AUTS2: variants seen among roughly 807,000 people sequenced by gnomAD.
AUTS2 encodes activator of transcription and developmental regulator AUTS2.
In AUTS2, 17 loss-of-function variants were observed where a neutral mutation model predicts 112.4. That is an observed-to-expected ratio of 0.15 (90% CI 0.10 to 0.23). The LOEUF is 0.23. Among genes scored for constraint, AUTS2 ranks in the 10% least tolerant of loss-of-function variants. The pLI is 1.00. For missense variants in AUTS2, 1,510 were observed against 1,701.6 expected (o/e 0.89, Z 1.98); for synonymous variants, 751 against 702.7 (o/e 1.07, Z -1.09).
intron 5 of AUTS2, among the ~76,000 whole-genome samples, chr7:70,510,903 C>T (rs983924763): frequency 3.3e-5 from 5 of 151,988 alleles, no homozygotes; most frequent in African/African-American, 7.2e-5. Flanking sequence ...GGCTGGAGTG[C>T]GATGGCGCGA....
intron 4 of AUTS2, among the ~76,000 whole-genome samples, chr7:70,300,684 A>T (rs920652460): frequency 2.0e-5 from 3 of 152,176 alleles, no homozygotes; most frequent in East Asian, 1.9e-4. Flanking sequence ...AGGAAGAACG[A>T]TGTTTTGGGA....
intron 1 of AUTS2, chr7:69,825,943 G>A (rs1040757016): frequency 2.6e-5 from 4 of 152,204 alleles, no homozygotes; most frequent in African/African-American, 9.7e-5. Context: ...GAGTGTTGTG[G>A]TTCTGCACTC....
chr7:70,340,569 G>A (rs1791219011), intron 4 of AUTS2, among the ~76,000 whole-genome samples: 2 of 152,084 alleles, frequency 1.3e-5, no homozygotes, highest in African/African-American at 4.8e-5. Context: ...GCTAGCATCT[G>A]TGCTTTCCAG....
chr7:70,345,928 T>G (rs1791475247), intron 4 of AUTS2, among the ~76,000 whole-genome samples: 1 of 152,162 alleles, frequency 6.6e-6, no homozygotes, highest in African/African-American at 2.4e-5. Context: ...GAGGTCCCAG[T>G]GTCCTGAATC....
chr7:69,805,527 A>T (rs572188922), intron 1 of AUTS2, among the ~76,000 whole-genome samples: 11 of 152,344 alleles, frequency 7.2e-5, no homozygotes, highest in Middle Eastern at 3.4e-3. Flanking sequence ...ATGTGACTAT[A>T]AAAAAGAACC....
chr7:70,706,754 A>G (rs1260745612), intron 6 of AUTS2, among the ~76,000 whole-genome samples: 1 of 152,196 alleles, frequency 6.6e-6, no homozygotes, highest in Non-Finnish European at 1.5e-5. Flanking sequence ...ACTTATGGAA[A>G]AGTTGCCCCA....
chr7:70,448,113 C>T (rs1796389374), intron 5 of AUTS2, among the ~76,000 whole-genome samples: 1 of 152,134 alleles, frequency 6.6e-6, no homozygotes, highest in African/African-American at 2.4e-5. Context: ...GAATGCTGGA[C>T]ACTTGAATGT....
intron 6 of AUTS2, among the ~76,000 whole-genome samples, chr7:70,703,364 C>T (rs770358169): frequency 3.3e-5 from 5 of 151,624 alleles, no homozygotes; most frequent in Non-Finnish European, 7.4e-5. Context: ...GGGTTGGTAG[C>T]GTGTATTTGT....
intron 5 of AUTS2, among the ~76,000 whole-genome samples, chr7:70,572,781 G>A (rs1355417801): frequency 6.6e-6 from 1 of 152,144 alleles, no homozygotes; most frequent in African/African-American, 2.4e-5. Context: ...TGTAGGCCAC[G>A]GGCACTGTTG....
At chr7:69,886,188 G>T (rs1327532161) in intron 1 of AUTS2, among the ~76,000 whole-genome samples, 2 of 152,232 alleles carry the variant, frequency 1.3e-5, no homozygotes, top group African/African-American at 4.8e-5. Context: ...ATTAGGTTGA[G>T]AAAGGATGTA....
At chr7:69,715,969 T>A (rs1798586344) in intron 1 of AUTS2, among the ~76,000 whole-genome samples, 1 of 152,202 alleles carries the variant, frequency 6.6e-6, no homozygotes, top group African/African-American at 2.4e-5. Flanking sequence ...GCAGTCTGGC[T>A]ATAGAGCACA....
intron 1 of AUTS2, among the ~76,000 whole-genome samples, chr7:69,705,810 CT>C (rs1392952669): frequency 6.6e-6 from 1 of 152,130 alleles, no homozygotes; most frequent in African/African-American, 2.4e-5. Flanking sequence ...GGTTTGGTTT[CT>C]TCTGAGGCCA....
At chr7:69,858,742 T>G (rs1584350531) in intron 1 of AUTS2, among the ~76,000 whole-genome samples, 1 of 152,110 alleles carries the variant, frequency 6.6e-6, no homozygotes, top group African/African-American at 2.4e-5. Flanking sequence ...TAGGAACAAC[T>G]GGGGGTCAGC....
chr7:70,350,501 G>A (rs1791699060), intron 4 of AUTS2, among the ~76,000 whole-genome samples: 1 of 152,098 alleles, frequency 6.6e-6, no homozygotes, highest in Admixed American at 6.5e-5. Flanking sequence ...ATGGTGGCAG[G>A]CAAGGGACCA....
intron 1 of AUTS2, chr7:69,663,341 G>A (rs773092688): frequency 1.3e-5 from 2 of 151,696 alleles, no homozygotes; most frequent in Non-Finnish European, 2.9e-5. Flanking sequence ...TTTGGCCTGA[G>A]AGGTAGTTAA....
intron 5 of AUTS2, among the ~76,000 whole-genome samples, chr7:70,577,534 C>T (rs1213356320): frequency 6.6e-6 from 1 of 152,124 alleles, no homozygotes; most frequent in East Asian, 1.9e-4. Context: ...GTAAGTGATA[C>T]ATAACATTAC....
chr7:70,341,097 G>A (rs1791243199), intron 4 of AUTS2, among the ~76,000 whole-genome samples: 1 of 152,076 alleles, frequency 6.6e-6, no homozygotes, highest in African/African-American at 2.4e-5. Context: ...TGAGTTTATT[G>A]TATAATAAGG....
intron 4 of AUTS2, among the ~76,000 whole-genome samples, chr7:70,391,843 G>A (rs559493876): frequency 6.6e-6 from 1 of 152,196 alleles, no homozygotes; most frequent in Non-Finnish European, 1.5e-5. Context: ...GTGTTGGGAA[G>A]CACAGGGGAG....
chr7:70,682,080 T>C (rs1375029971), intron 5 of AUTS2, among the ~76,000 whole-genome samples: 2 of 152,166 alleles, frequency 1.3e-5, no homozygotes, highest in South Asian at 4.1e-4. Flanking sequence ...TCCTCTTGAC[T>C]CTGAGTGTGT....
Sources: allele counts gnomAD v4.1 joint callset (sites outside exome capture counted in the v4.1 genomes callset), GRCh38; gene constraint gnomAD v4.1.1; transcripts MANE v1.5; gene names NCBI Gene and HGNC (gene_info 2026-07-23, HGNC 2026-07-21).